Variants in DLGAP1 observed in about 807,000 individuals in gnomAD.
The protein encoded by DLGAP1 is disks large-associated protein 1.
In DLGAP1, 11 loss-of-function variants were observed where a neutral mutation model predicts 90.8. The observed-to-expected ratio is 0.12, with a 90% CI of 0.08 to 0.20. DLGAP1 has a LOEUF of 0.20. Among genes scored for constraint, DLGAP1 ranks in the 10% least tolerant of loss-of-function variants. The probability of loss-of-function intolerance (pLI) is 1.00; values close to 1 mark genes in which losing one functional copy is unlikely to be tolerated. For synonymous variants in DLGAP1, 558 were observed against 540.7 expected (o/e 1.03, Z -0.44); for missense variants, 1,050 against 1,333.8 (o/e 0.79, Z 3.31).
intron 1 of DLGAP1, among the ~76,000 whole-genome samples, chr18:4,202,616 AT>A (rs146101459): frequency 0.018 from 2,691 of 152,336 alleles, 66 homozygotes; most frequent in African/African-American, 0.056. Flanking sequence ...AAAGAAAAAA[AT>A]CAAGTATGGA....
chr18:4,238,798 C>G (rs1440822492), intron 1 of DLGAP1, among the ~76,000 whole-genome samples: 1 of 152,170 alleles, frequency 6.6e-6, no homozygotes, highest in Non-Finnish European at 1.5e-5. Context: ...AGGCAAAGAT[C>G]TCTCCAAGAG....
At chr18:4,339,131 T>C (rs538627331) in intron 1 of DLGAP1, among the ~76,000 whole-genome samples, 1 of 152,182 alleles carries the variant, frequency 6.6e-6, no homozygotes, top group Non-Finnish European at 1.5e-5. Context: ...TTCCCATGAA[T>C]TATTGACTCT....
At chr18:3,554,913 TTTTC>T (rs928842322) in intron 9 of DLGAP1, among the ~76,000 whole-genome samples, 2 of 152,186 alleles carry the variant, frequency 1.3e-5, no homozygotes, top group Admixed American at 6.5e-5. Context: ...CTCAGCTCAA[TTTTC>T]TTTCTTTTTC....
intron 1 of DLGAP1, among the ~76,000 whole-genome samples, chr18:4,214,245 G>A (rs2077905246): frequency 6.6e-6 from 1 of 152,020 alleles, no homozygotes; most frequent in Non-Finnish European, 1.5e-5. Context: ...GTGGCAGGAG[G>A]AGATGGGAAC....
rs1037674229 is a variant in DLGAP1, at chr18:3,527,386, T to C, written c.2479+6808A>G. ...CAATATCTGAACCTCAAATTTCCAG[T>C]GAGTAAACAGGTTATTTTCCAAACT... On this transcript the variant is annotated intron_variant, in intron 10 of 12. Transcript: ENST00000315677. Among the ~76,000 whole-genome samples, 8 of 138,558 alleles carry C rather than the reference T, an allele frequency of 5.8e-5. 1 individual carries two copies. The highest frequency in any genetic ancestry group is 2.1e-4 in the African/African-American group (8 of 38,504). The allele number at this position is 138,558 out of a possible 152,430, so 90.9% of individuals were successfully genotyped here.
rs1445187638 is a variant in DLGAP1 at position 3,600,713 on chromosome 18, T to TATAG, written c.1592-18466_1592-18465insCTAT. Among the ~76,000 whole-genome samples, 6 of 93,612 alleles carry TATAG rather than the reference T, an allele frequency of 6.4e-5. 1 individual carries two copies. The highest frequency in any genetic ancestry group is 2.4e-4 in the African/African-American group (5 of 20,574). The allele number at this position is 93,612 out of a possible 152,430, so 61.4% of individuals were successfully genotyped here. On this transcript the variant is annotated intron_variant, in intron 7 of 12. Coordinates refer to ENST00000315677, the MANE Select transcript of DLGAP1 (RefSeq NM_004746.4). ...ATCTATATAGATATCTATAGCTATA[T>TATAG]AGATATAGAGATATAGATATATATA...
intron 1 of DLGAP1, among the ~76,000 whole-genome samples, chr18:4,338,177 A>G (rs949314565): frequency 1.4e-4 from 21 of 152,150 alleles, no homozygotes; most frequent in African/African-American, 5.1e-4. Flanking sequence ...AAGGCAATCC[A>G]TTTTCAAATC....
chr18:3,879,611 T>C lies in DLGAP1; in HGVS notation c.458A>G (p.His153Arg), dbSNP rs1382086200. Reference sequence around the variant, plus strand: ...GCCCTTGGACGGCCCCTCCAGGGAGTGCGACTTGGTGAAGAGCTTCTGGAC... The same window carrying C: ...GCCCTTGGACGGCCCCTCCAGGGAGCGCGACTTGGTGAAGAGCTTCTGGAC... Reference protein sequence around the residue: ...HSVQKLFTKSHSLEGPSKGSV... With the variant: ...HSVQKLFTKSRSLEGPSKGSV... Residue 153 changes from histidine (H) to arginine (R), a missense_variant, in exon 4 of 13, where the codon CAC (histidine) becomes CGC (arginine). Coordinates refer to ENST00000315677, the MANE Select transcript of DLGAP1 (RefSeq NM_004746.4). This position sits in a 1 kb window ranked among gnomAD's most constrained non-coding sequence, Gnocchi z 6.6. The C allele has an allele frequency of 6.2e-7, 1 of 1,603,058 alleles. No individual in the cohort carries two copies. Among genetic ancestry groups the C allele is most frequent in the Non-Finnish European group, 8.5e-7 (1 of 1,178,640 alleles).
intron 2 of DLGAP1, among the ~76,000 whole-genome samples, chr18:4,132,818 T>C (rs1443203220): frequency 6.6e-6 from 1 of 152,160 alleles, no homozygotes; most frequent in African/African-American, 2.4e-5. Context: ...TTGCTGGGTA[T>C]TACGAAAGCT....
intron 2 of DLGAP1, among the ~76,000 whole-genome samples, chr18:4,131,411 T>G (rs1030537939): frequency 2.0e-4 from 31 of 152,170 alleles, no homozygotes; most frequent in Non-Finnish European, 3.8e-4. Context: ...TTAGAAAGCT[T>G]TTTCTCAAAG....
intron 5 of DLGAP1, among the ~76,000 whole-genome samples, chr18:3,779,802 T>A (rs1422876615): frequency 1.3e-5 from 2 of 151,868 alleles, no homozygotes; most frequent in Non-Finnish European, 2.9e-5. Context: ...TTCTTTTTTT[T>A]TTTGAGAGAG....
intron 4 of DLGAP1, chr18:3,821,784 A>C: frequency 4.3e-6 from 2 of 464,728 alleles, no homozygotes; most frequent in Non-Finnish European, 5.6e-6. Flanking sequence ...CATTTGTAAG[A>C]AGGCTCCACC....
chr18:4,360,917 T>C (rs1171063693), intron 1 of DLGAP1, among the ~76,000 whole-genome samples: 3 of 152,070 alleles, frequency 2.0e-5, no homozygotes, highest in African/African-American at 7.2e-5. Context: ...CAGGCAGCCA[T>C]TGCACTTCAG....
intron 2 of DLGAP1, among the ~76,000 whole-genome samples, chr18:4,094,841 A>G (rs1206488892): frequency 1.3e-5 from 2 of 151,866 alleles, no homozygotes; most frequent in Non-Finnish European, 2.9e-5. Context: ...CAGGTGATCC[A>G]CCCACCTTGG....
intron 3 of DLGAP1, among the ~76,000 whole-genome samples, chr18:3,951,468 T>C (rs2072983367): frequency 6.6e-6 from 1 of 151,604 alleles, no homozygotes; most frequent in Admixed American, 6.5e-5. Flanking sequence ...TTTCCTTTTG[T>C]TTGATTTATT....
intron 5 of DLGAP1, among the ~76,000 whole-genome samples, chr18:3,789,019 G>A (rs1040828443): frequency 2.6e-5 from 4 of 152,034 alleles, no homozygotes; most frequent in Admixed American, 6.6e-5. Context: ...CGATTCATTC[G>A]CACAATTAAT....
chr18:4,042,726 C>T lies in DLGAP1; in HGVS notation c.-158-37525G>A, dbSNP rs554473800. On this transcript the variant is annotated intron_variant, in intron 2 of 12. Coordinates refer to ENST00000315677, the MANE Select transcript of DLGAP1 (RefSeq NM_004746.4). Reference sequence around the variant, plus strand: ...CCGCATTCCAGCCTGGCTGACAGAGCGAGACTTTGTCTCAAAATAAAATAA... The same window carrying T: ...CCGCATTCCAGCCTGGCTGACAGAGTGAGACTTTGTCTCAAAATAAAATAA... Among the ~76,000 whole-genome samples the T allele has an allele frequency of 2.6e-5, 4 of 151,906 alleles. No homozygotes were observed. In the South Asian group the frequency reaches 6.2e-4, roughly 24 times the overall value.
At chr18:3,585,475 T>G (rs2055824851) in intron 7 of DLGAP1, among the ~76,000 whole-genome samples, 1 of 152,242 alleles carries the variant, frequency 6.6e-6, no homozygotes, top group Admixed American at 6.5e-5. Context: ...TCCTAAGACA[T>G]GTCTTTACAA....
chr18:3,760,475 C>T (rs2063916629), intron 5 of DLGAP1, among the ~76,000 whole-genome samples: 2 of 152,152 alleles, frequency 1.3e-5, no homozygotes, highest in Non-Finnish European at 2.9e-5. Flanking sequence ...TTCAATGTGC[C>T]TAGCAGAGTT....
Sources: allele counts gnomAD v4.1 joint callset (sites outside exome capture counted in the v4.1 genomes callset), GRCh38; gene constraint gnomAD v4.1.1; non-coding constraint Gnocchi (gnomAD v3.1); transcripts MANE v1.5; gene names NCBI Gene and HGNC (gene_info 2026-07-23, HGNC 2026-07-21).